Variants in UPF2 observed in about 807,000 individuals in gnomAD.
UPF2 encodes the protein regulator of nonsense transcripts 2.
Under a neutral mutation model 141.4 loss-of-function variants are expected in UPF2, and 17 were observed. The ratio of observed to expected loss-of-function variants is 0.12; its 90% CI spans 0.08 to 0.18. The LOEUF is 0.18. Among genes scored for constraint, UPF2 ranks in the 10% least tolerant of loss-of-function variants. The pLI, the probability that UPF2 is intolerant of heterozygous loss-of-function variation, is 1.00. For synonymous variants in UPF2, 540 were observed against 498.0 expected (o/e 1.08, Z -1.12); for missense variants, 1,152 against 1,515.9 (o/e 0.76, Z 3.99).
In UPF2 at chr10:11,936,231, G is replaced by A. The variant is rs918535130; in HGVS notation, c.3546+314C>T. Among the ~76,000 whole-genome samples, 9 of 152,060 alleles carry A rather than the reference G, an allele frequency of 5.9e-5. No individual in the cohort carries two copies. The highest frequency in any genetic ancestry group is 5.8e-4 in the East Asian group (3 of 5,174). On this transcript the variant is annotated intron_variant, in intron 19 of 21. Coordinates refer to ENST00000357604, the MANE Select transcript of UPF2 (RefSeq NM_015542.4). The surrounding 1 kb of genome is among the most constrained non-coding windows in gnomAD (Gnocchi z 6.6). Reference sequence around the variant, plus strand: ...CTAAAAATACAAAAATTAGCCGGGCGTCATGGTGGACGCCTGTAATCCCAG... The same window carrying A: ...CTAAAAATACAAAAATTAGCCGGGCATCATGGTGGACGCCTGTAATCCCAG...
At position 11,992,536 on chromosome 10, in the gene UPF2, T is replaced by C. The variant is rs1833796756; in HGVS notation, c.1844+5136A>G. On this transcript the variant is annotated intron_variant, in intron 8 of 21. Transcript: ENST00000357604. This position sits in a 1 kb window ranked among gnomAD's most constrained non-coding sequence, Gnocchi z 4.1. Reference sequence around the variant, plus strand: ...TTACAATCATAAAGTAATAAAATAATAATGCAAACCTTCCTAAAACCAAGA... The same window carrying C: ...TTACAATCATAAAGTAATAAAATAACAATGCAAACCTTCCTAAAACCAAGA... Among the ~76,000 whole-genome samples the C allele has an allele frequency of 6.6e-6, 1 of 151,974 alleles. No homozygotes were observed. Among genetic ancestry groups the C allele is most frequent in the Non-Finnish European group, 1.5e-5 (1 of 67,998 alleles).
chr10:12,024,893 G>A (rs1834387382), intron 3 of UPF2, among the ~76,000 whole-genome samples: 1 of 120,676 alleles, frequency 8.3e-6, no homozygotes, highest in Admixed American at 1.1e-4. Context: ...ATGATCACAC[G>A]ACTGCACTCT....
chr10:12,014,184 C>T lies in UPF2; in HGVS notation c.1146G>A (p.Arg382=), dbSNP rs1403888565. ...RELQNTERQN[R]RILHSKGELS... ...GCTCCCCTTTAGAATGTAGAATGCG[C>T]CTATAAACAAATGAAATCATCTGAC... The change falls in exon 4 of 22, where the codon AGG becomes AGA. Residue 382 remains arginine (R), a splice_region_variant and synonymous_variant. Transcript: ENST00000357604. The surrounding 1 kb of genome is among the most constrained non-coding windows in gnomAD (Gnocchi z 5.0). 7.1e-7 allele frequency: 1 copy of T among 1,409,880 alleles called. No individual in the cohort carries two copies. The highest frequency in any genetic ancestry group is 9.4e-7 in the Non-Finnish European group (1 of 1,067,328). 87.3% of individuals were successfully genotyped at this position (1,409,880 alleles called of 1,614,324 possible).
chr10:11,934,654 A>ATGCAG (rs1832823734), intron 19 of UPF2, among the ~76,000 whole-genome samples: 22 of 152,236 alleles, frequency 1.4e-4, no homozygotes, highest in Admixed American at 2.6e-4. Context: ...CAATGGTGTG[A>ATGCAG]TCTTGGCTCA....
intron 14 of UPF2, among the ~76,000 whole-genome samples, chr10:11,954,375 G>A (rs970229022): frequency 1.3e-5 from 2 of 151,856 alleles, no homozygotes; most frequent in African/African-American, 4.8e-5. Context: ...ACTCACGCCT[G>A]TTAATCCCAG....
chr10:11,962,737 C>T (rs1371298136), intron 11 of UPF2, among the ~76,000 whole-genome samples: 1 of 152,156 alleles, frequency 6.6e-6, no homozygotes, highest in Non-Finnish European at 1.5e-5. Flanking sequence ...AAAACTCAAG[C>T]TCCTTAGCAT....
intron 4 of UPF2, among the ~76,000 whole-genome samples, chr10:12,005,227 A>G (rs759180649): frequency 1.2e-4 from 18 of 152,056 alleles, no homozygotes; most frequent in Non-Finnish European, 2.2e-4. Context: ...TCCTTTTGGC[A>G]TAATCCTTGG....
At chr10:12,033,047 T>G (rs1213458273) in intron 2 of UPF2, among the ~76,000 whole-genome samples, 1 of 152,022 alleles carries the variant, frequency 6.6e-6, no homozygotes, top group Non-Finnish European at 1.5e-5. Context: ...AAAGAACAAC[T>G]CTGAGAAGAA....
rs1417552116 is a variant in UPF2, at chr10:12,014,585, T to C, written c.1146-401A>G. Among the ~76,000 whole-genome samples, 1 of 152,184 alleles carries C rather than the reference T, an allele frequency of 6.6e-6. No homozygotes were observed. Among genetic ancestry groups the C allele is most frequent in the African/African-American group, 2.4e-5 (1 of 41,444 alleles). On this transcript the variant is annotated intron_variant, in intron 3 of 21. Transcript: ENST00000357604. The surrounding 1 kb of genome is among the most constrained non-coding windows in gnomAD (Gnocchi z 5.0). ...AGAATCAATTATTCTTAAACCTCCA[T>C]GATTTGAATCAGAAATATCATATTT...
chr10:11,928,505 C>T (rs1042003500), intron 21 of UPF2, among the ~76,000 whole-genome samples: 19 of 150,986 alleles, frequency 1.3e-4, no homozygotes, highest in African/African-American at 4.6e-4. Flanking sequence ...GTCAGGAGAT[C>T]GAGACCATCC....
At chr10:12,011,916 G>A (rs1834134421) in intron 4 of UPF2, among the ~76,000 whole-genome samples, 1 of 151,586 alleles carries the variant, frequency 6.6e-6, no homozygotes, top group Non-Finnish European at 1.5e-5. Context: ...TTGCACTCCA[G>A]CCTGGGCAGC....
chr10:11,938,853 G>GTTTTTTTTTTTTTTTTTTTTTTT lies in UPF2; in HGVS notation c.3379-2164_3379-2142dup, dbSNP rs58106776. Among the ~76,000 whole-genome samples, 28 of 79,826 alleles carry GTTTTTTTTTTTTTTTTTTTTTTT rather than the reference G, an allele frequency of 3.5e-4. 3 individuals are homozygous for GTTTTTTTTTTTTTTTTTTTTTTT. Among genetic ancestry groups the GTTTTTTTTTTTTTTTTTTTTTTT allele is most frequent in the East Asian group, 1.8e-3 (5 of 2,812 alleles). The allele number at this position is 79,826 out of a possible 152,430, so 52.4% of individuals were successfully genotyped here. ...GTGGTCTTAAGCAAGTTTTTTTTTT[G>GTTTTTTTTTTTTTTTTTTTTTTT]TTTTTTTTTTTTTTTTTTTTTTTTT... On this transcript the variant is annotated intron_variant, in intron 18 of 21. Coordinates refer to ENST00000357604, the MANE Select transcript of UPF2 (RefSeq NM_015542.4).
chr10:12,009,096 G>A (rs1834086725), intron 4 of UPF2, among the ~76,000 whole-genome samples: 2 of 151,930 alleles, frequency 1.3e-5, no homozygotes, highest in South Asian at 4.2e-4. Context: ...TATTATTGAT[G>A]GGCATTTGGG....
In UPF2 at chr10:11,964,133, AG is replaced by A; in HGVS notation, c.2068-9del. On this transcript the variant is annotated splice_polypyrimidine_tract_variant and intron_variant, in intron 10 of 21. Transcript: ENST00000357604. The stretch of plus-strand genomic sequence containing the variant: ...GAAGTCTGACAGAAGCATCTGCAAC[AG>A]GAAGAATGATGAAAACTACAAAGGC... The A allele has an allele frequency of 6.3e-7, 1 of 1,598,310 alleles. No homozygotes were observed. Among genetic ancestry groups the A allele is most frequent in the South Asian group, 1.1e-5 (1 of 90,158 alleles).
intron 16 of UPF2, among the ~76,000 whole-genome samples, chr10:11,947,713 A>T (rs1052947300): frequency 2.7e-5 from 4 of 150,324 alleles, no homozygotes; most frequent in Non-Finnish European, 5.9e-5. Flanking sequence ...CTTGAGCCCA[A>T]GAGGTTGAGG....
rs111374153 is a variant in UPF2, at chr10:11,992,143, C to CAAA, written c.1844+5526_1844+5528dup. 1.4e-5 allele frequency among the ~76,000 whole-genome samples: 2 copies of CAAA among 138,148 alleles called. No individual in the cohort carries two copies. The highest frequency in any genetic ancestry group is 3.1e-5 in the Non-Finnish European group (2 of 63,718). The allele number at this position is 138,148 out of a possible 152,430, so 90.6% of individuals were successfully genotyped here. On this transcript the variant is annotated intron_variant, in intron 8 of 21. Coordinates refer to ENST00000357604, the MANE Select transcript of UPF2 (RefSeq NM_015542.4). This position sits in a 1 kb window ranked among gnomAD's most constrained non-coding sequence, Gnocchi z 4.1. ...TGGGCAATAGAGCAAAACTCAGTCT[C>CAAA]AAAAAAAAAAATGAAAATGACCTTC...
At chr10:11,991,642 C>T (rs989675813) in intron 8 of UPF2, among the ~76,000 whole-genome samples, 1 of 151,940 alleles carries the variant, frequency 6.6e-6, no homozygotes, top group Non-Finnish European at 1.5e-5. Context: ...AAAAAAAAGG[C>T]CAGCTCGCCT....
intron 4 of UPF2, among the ~76,000 whole-genome samples, chr10:12,008,937 T>C (rs556992496): frequency 6.6e-6 from 1 of 152,200 alleles, no homozygotes; most frequent in African/African-American, 2.4e-5. Flanking sequence ...AGTGAGAACA[T>C]GTGGTATTTG....
rs1588537597 is a variant in UPF2, at chr10:11,959,690, G to T, written c.2185-334C>A. ...TGGGTGGACAGCTTGAGCCCAGGAG[G>T]TGGAGGCTGCAGTAAGCCATGACTG... On this transcript the variant is annotated intron_variant, in intron 11 of 21. Coordinates refer to ENST00000357604, the MANE Select transcript of UPF2 (RefSeq NM_015542.4). This position sits in a 1 kb window ranked among gnomAD's most constrained non-coding sequence, Gnocchi z 5.9. 6.6e-6 allele frequency among the ~76,000 whole-genome samples: 1 copy of T among 152,204 alleles called. No homozygotes were observed. Among genetic ancestry groups the T allele is most frequent in the East Asian group, 1.9e-4 (1 of 5,172 alleles).
Sources: gnomAD v4.1 joint callset for allele counts (sites outside exome capture counted in the v4.1 genomes callset) on GRCh38, gnomAD v4.1.1 for gene constraint, Gnocchi (gnomAD v3.1) non-coding constraint, MANE v1.5 for transcripts, NCBI Gene and HGNC (gene_info 2026-07-23, HGNC 2026-07-21) for gene names.